The following ST6GALNAC3 variants were observed in gnomAD, a reference collection of about 807,000 sequenced individuals.
The protein encoded by ST6GALNAC3 is alpha-N-acetylgalactosaminide alpha-2,6-sialyltransferase 3.
In ST6GALNAC3, 25 loss-of-function variants were observed where a neutral mutation model predicts 32.7. The ratio of observed to expected loss-of-function variants is 0.76; its 90% CI spans 0.56 to 1.07. The LOEUF is 1.07. Ranked by LOEUF, ST6GALNAC3 falls within the 50% of genes least tolerant of loss-of-function variation. The pLI is 0.00. For synonymous variants in ST6GALNAC3, 129 were observed against 133.1 expected (o/e 0.97, Z 0.21); for missense variants, 355 against 382.4 (o/e 0.93, Z 0.60).
At chr1:76,181,039 C>T (rs539101066) in intron 1 of ST6GALNAC3, among the ~76,000 whole-genome samples, 8 of 152,320 alleles carry the variant, frequency 5.3e-5, no homozygotes, top group East Asian at 1.9e-4. Flanking sequence ...AACTGGGCTC[C>T]GGGAGTCACA....
intron 3 of ST6GALNAC3, among the ~76,000 whole-genome samples, chr1:76,528,363 A>G (rs1226470780): frequency 6.6e-6 from 1 of 152,156 alleles, no homozygotes; most frequent in African/African-American, 2.4e-5. Flanking sequence ...TCACACAGTT[A>G]GTAATTCACT....
At chr1:76,082,019 G>A (rs766750724) in intron 1 of ST6GALNAC3, among the ~76,000 whole-genome samples, 10 of 152,222 alleles carry the variant, frequency 6.6e-5, no homozygotes, top group African/African-American at 9.6e-5. Context: ...GGAAACCTTT[G>A]TTGAAGGACT....
chr1:76,329,796 C>CTCTA (rs146490392), intron 2 of ST6GALNAC3, among the ~76,000 whole-genome samples: 2 of 150,230 alleles, frequency 1.3e-5, no homozygotes, highest in African/African-American at 4.9e-5. Context: ...CTTTCTCTCT[C>CTCTA]TTTATTTATT....
chr1:76,288,632 G>A (rs1051080969), intron 1 of ST6GALNAC3, among the ~76,000 whole-genome samples: 1 of 152,196 alleles, frequency 6.6e-6, no homozygotes, highest in Non-Finnish European at 1.5e-5. Context: ...TGGCTGAATG[G>A]TATGGGTCTC....
intron 2 of ST6GALNAC3, among the ~76,000 whole-genome samples, chr1:76,355,937 A>G (rs1649403526): frequency 6.6e-6 from 1 of 152,168 alleles, no homozygotes; most frequent in Non-Finnish European, 1.5e-5. Flanking sequence ...TTGGAATGCA[A>G]AGGTTTATCA....
In ST6GALNAC3 at chr1:76,340,482, A is replaced by G. The variant is rs374904938; in HGVS notation, c.213+26483A>G. Reference sequence around the variant, plus strand: ...GGCTTTTCTGTCATGGGGGCATACAAAGAGAGAAATCATCAAGAAATTCAA... The same window carrying G: ...GGCTTTTCTGTCATGGGGGCATACAGAGAGAGAAATCATCAAGAAATTCAA... On this transcript the variant is annotated intron_variant, in intron 2 of 4. Transcript: ENST00000328299. 5.5e-4 allele frequency among the ~76,000 whole-genome samples: 84 copies of G among 152,250 alleles called. 2 individuals carry two copies. The East Asian group carries it at 8.7e-3, about 16-fold the overall frequency.
At chr1:76,346,442 T>C (rs1333465027) in intron 2 of ST6GALNAC3, among the ~76,000 whole-genome samples, 1 of 152,232 alleles carries the variant, frequency 6.6e-6, no homozygotes, top group African/African-American at 2.4e-5. Flanking sequence ...GATGCCTTTC[T>C]GTGCTCAGTC....
At chr1:76,335,980 T>A (rs1380900129) in intron 2 of ST6GALNAC3, among the ~76,000 whole-genome samples, 1 of 152,154 alleles carries the variant, frequency 6.6e-6, no homozygotes, top group Non-Finnish European at 1.5e-5. Flanking sequence ...GTGCCACAGC[T>A]GAAAAAAGTG....
At chr1:76,194,773 T>G (rs1400514202) in intron 1 of ST6GALNAC3, among the ~76,000 whole-genome samples, 1 of 152,158 alleles carries the variant, frequency 6.6e-6, no homozygotes, top group Non-Finnish European at 1.5e-5. Flanking sequence ...GGACATTCTG[T>G]TTTGTTACTA....
Position 76,307,591 on chromosome 1 carries a change from C to G in ST6GALNAC3, c.19-6214C>G, listed in dbSNP as rs2100871557. The stretch of plus-strand genomic sequence containing the variant: ...ATATTTATTATTGAATAAATGACAG[C>G]ATGTGAACAAAAGTGTATGCTTTTC... On this transcript the variant is annotated intron_variant, in intron 1 of 4. Coordinates refer to ENST00000328299, the MANE Select transcript of ST6GALNAC3 (RefSeq NM_152996.4). 2.0e-5 allele frequency among the ~76,000 whole-genome samples: 3 copies of G among 152,146 alleles called. No homozygotes were observed. The Middle Eastern group carries it at 0.01, about 518-fold the overall frequency.
chr1:76,570,977 A>T (rs919204572), intron 3 of ST6GALNAC3, among the ~76,000 whole-genome samples: 1 of 152,080 alleles, frequency 6.6e-6, no homozygotes, highest in Non-Finnish European at 1.5e-5. Context: ...TTAGACAACT[A>T]AAACCTCAAA....
In ST6GALNAC3 at chr1:76,509,641, AG is replaced by A. The variant is rs1480390191; in HGVS notation, c.623+97225del. The stretch of plus-strand genomic sequence containing the variant: ...CACAAAGTTATTTTATACAGTTCGA[AG>A]TTAGAAGTCTAAAATGGGTTGTTAG... On this transcript the variant is annotated intron_variant, in intron 3 of 4. Coordinates refer to ENST00000328299, the MANE Select transcript of ST6GALNAC3 (RefSeq NM_152996.4). The surrounding 1 kb of genome is among the most constrained non-coding windows in gnomAD (Gnocchi z 5.5). 6.6e-6 allele frequency among the ~76,000 whole-genome samples: 1 copy of A among 152,202 alleles called. No homozygotes were observed. The highest frequency in any genetic ancestry group is 1.5e-5 in the Non-Finnish European group (1 of 68,042).
Position 76,313,974 on chromosome 1 carries a change from GATACATAA to G in ST6GALNAC3, c.191_198del (p.Tyr64CysfsTer12). On this transcript the variant is annotated frameshift_variant, in exon 2 of 5. Coordinates refer to ENST00000328299, the MANE Select transcript of ST6GALNAC3 (RefSeq NM_152996.4). LOFTEE classifies it high-confidence loss of function. ...AGGCGGCCCCTTCGAACTCACTATG[GATACATAA>G]ATGTGAAGACACAAGAGGTAAGATC... 1 of 1,612,796 alleles carries G rather than the reference GATACATAA, an allele frequency of 6.2e-7. No individual in the cohort carries two copies. The highest frequency in any genetic ancestry group is 8.5e-7 in the Non-Finnish European group (1 of 1,179,322).
intron 3 of ST6GALNAC3, among the ~76,000 whole-genome samples, chr1:76,430,683 C>T (rs1655690817): frequency 6.6e-6 from 1 of 152,154 alleles, no homozygotes; most frequent in Non-Finnish European, 1.5e-5. Context: ...GCTAGTTTGG[C>T]TGCTTCTTAT....
At chr1:76,184,357 A>G (rs1448367789) in intron 1 of ST6GALNAC3, among the ~76,000 whole-genome samples, 1 of 152,026 alleles carries the variant, frequency 6.6e-6, no homozygotes, top group Non-Finnish European at 1.5e-5. Context: ...TGGCCAACAT[A>G]GTGAAACCCT....
At chr1:76,396,851 T>C (rs1169034652) in intron 2 of ST6GALNAC3, among the ~76,000 whole-genome samples, 1 of 152,226 alleles carries the variant, frequency 6.6e-6, no homozygotes, top group Admixed American at 6.5e-5. Flanking sequence ...TGGTTTAATC[T>C]TGATCTTCTA....
intron 2 of ST6GALNAC3, among the ~76,000 whole-genome samples, chr1:76,407,647 A>G (rs1040309750): frequency 6.6e-6 from 1 of 152,036 alleles, no homozygotes; most frequent in African/African-American, 2.4e-5. Flanking sequence ...TGAGTGCACA[A>G]GAGACAAGAT....
intron 1 of ST6GALNAC3, among the ~76,000 whole-genome samples, chr1:76,287,015 G>A (rs2100804651): frequency 6.6e-6 from 1 of 152,338 alleles, no homozygotes; most frequent in African/African-American, 2.4e-5. Context: ...CTGAATTCTG[G>A]ACTTCTGATC....
chr1:76,301,484 G>A (rs770663887), intron 1 of ST6GALNAC3, among the ~76,000 whole-genome samples: 4 of 152,014 alleles, frequency 2.6e-5, no homozygotes, highest in Admixed American at 6.6e-5. Flanking sequence ...GAAACTATAC[G>A]TAATAAATGC....
Sources: allele counts gnomAD v4.1 joint callset (sites outside exome capture counted in the v4.1 genomes callset), GRCh38; gene constraint gnomAD v4.1.1; non-coding constraint Gnocchi (gnomAD v3.1); transcripts MANE v1.5; gene names NCBI Gene and HGNC (gene_info 2026-07-23, HGNC 2026-07-21).